The following CCSER1 variants were observed in gnomAD, a reference collection of about 807,000 sequenced individuals.
The protein encoded by CCSER1 is serine-rich coiled-coil domain-containing protein 1.
In CCSER1, 41 loss-of-function variants were observed where a neutral mutation model predicts 82.0. The observed-to-expected ratio is 0.50, with a 90% CI of 0.39 to 0.65. The LOEUF is 0.65. CCSER1 is among the 30% of genes least tolerant of loss of function. The pLI is 0.00. For synonymous variants in CCSER1, 414 were observed against 383.9 expected (o/e 1.08, Z -0.92); for missense variants, 1,119 against 1,064.2 (o/e 1.05, Z -0.72).
chr4:90,793,674 AATAT>A (rs1478716576), intron 7 of CCSER1, among the ~76,000 whole-genome samples: 27 of 152,218 alleles, frequency 1.8e-4, no homozygotes, highest in African/African-American at 6.0e-4. Flanking sequence ...TATTTGTTTG[AATAT>A]ATACCCAGGA....
At chr4:90,345,198 TGTAGGAATGTA>T (rs1742109642) in intron 3 of CCSER1, among the ~76,000 whole-genome samples, 1 of 152,064 alleles carries the variant, frequency 6.6e-6, no homozygotes, top group Non-Finnish European at 1.5e-5. Flanking sequence ...CAGAAATATG[TGTAGGAATGTA>T]GTAGGAGAAC....
intron 9 of CCSER1, among the ~76,000 whole-genome samples, chr4:90,979,233 T>C (rs1028135181): frequency 1.3e-5 from 2 of 151,638 alleles, no homozygotes; most frequent in Middle Eastern, 3.4e-3. Flanking sequence ...GCCAATTAGA[T>C]ACTAATACAG....
rs1188536764 is a variant in CCSER1, at chr4:91,013,604, CT to C, written c.2173-72330del. 6.8e-4 allele frequency among the ~76,000 whole-genome samples: 73 copies of C among 107,612 alleles called. 5 individuals carry two copies. The highest frequency in any genetic ancestry group is 9.9e-4 in the Non-Finnish European group (46 of 46,626). The allele number at this position is 107,612 out of a possible 152,430, so 70.6% of individuals were successfully genotyped here. A position where few individuals can be genotyped will look rare whatever the true frequency, so the allele number is the denominator to read the frequency against. ...GGTTCCTGATGAGTTTTAAGATTTTCTTTTTTTTTTTTTTTTGAGATGGAGT... is the reference window on the plus strand; with the variant it reads ...GGTTCCTGATGAGTTTTAAGATTTTCTTTTTTTTTTTTTTTGAGATGGAGT... On this transcript the variant is annotated intron_variant, in intron 9 of 10. Coordinates refer to ENST00000509176, the MANE Select transcript of CCSER1 (RefSeq NM_001145065.2).
intron 10 of CCSER1, among the ~76,000 whole-genome samples, chr4:91,352,444 C>T (rs1748542340): frequency 6.6e-6 from 1 of 152,098 alleles, no homozygotes; most frequent in Non-Finnish European, 1.5e-5. Context: ...GACAGCGTTT[C>T]ACTGTGTTAG....
At chr4:90,721,682 A>T (rs1742708188) in intron 6 of CCSER1, among the ~76,000 whole-genome samples, 1 of 151,776 alleles carries the variant, frequency 6.6e-6, no homozygotes, top group South Asian at 2.1e-4. Context: ...AATATGAAAT[A>T]TGGATAAGAC....
chr4:90,783,067 G>T (rs912880424), intron 7 of CCSER1, among the ~76,000 whole-genome samples: 1 of 151,950 alleles, frequency 6.6e-6, no homozygotes, highest in African/African-American at 2.4e-5. Context: ...TCAGCCTCCC[G>T]AATAGCTAGG....
At chr4:91,342,787 T>G (rs1003480417) in intron 10 of CCSER1, among the ~76,000 whole-genome samples, 3 of 152,148 alleles carry the variant, frequency 2.0e-5, no homozygotes, top group African/African-American at 7.2e-5. Context: ...GGCATAGGAA[T>G]GTATACATTC....
intron 10 of CCSER1, among the ~76,000 whole-genome samples, chr4:91,448,623 G>A (rs910235001): frequency 6.6e-6 from 1 of 151,734 alleles, no homozygotes; most frequent in African/African-American, 2.4e-5. Flanking sequence ...GAATAATTTG[G>A]CGTTTTACCA....
chr4:90,911,278 G>A, intron 8 of CCSER1: 1 of 456,138 alleles, frequency 2.2e-6, no homozygotes, highest in Non-Finnish European at 4.4e-6. Context: ...TGTGTTCCAT[G>A]AGAGGAGGTT....
intron 7 of CCSER1, among the ~76,000 whole-genome samples, chr4:90,810,638 T>A (rs982882231): frequency 7.1e-6 from 1 of 141,522 alleles, no homozygotes; most frequent in Non-Finnish European, 1.5e-5. Context: ...AGAGCGAGAC[T>A]CCCTCTCAAC....
At chr4:91,181,241 T>C (rs116336124) in intron 10 of CCSER1, among the ~76,000 whole-genome samples, 2,347 of 152,348 alleles carry the variant, frequency 0.015, 57 homozygotes, top group African/African-American at 0.052. Flanking sequence ...AAGGCAACTT[T>C]GTCACAGTGA....
At chr4:91,037,485 T>C (rs1741548181) in intron 9 of CCSER1, among the ~76,000 whole-genome samples, 1 of 152,212 alleles carries the variant, frequency 6.6e-6, no homozygotes, top group African/African-American at 2.4e-5. Context: ...ATCTATTTTC[T>C]GATAGATTGT....
intron 7 of CCSER1, among the ~76,000 whole-genome samples, chr4:90,748,070 T>A: frequency 7.0e-6 from 1 of 143,624 alleles, no homozygotes; most frequent in Non-Finnish European, 1.5e-5. Flanking sequence ...AGTTTTAGGG[T>A]ACATGTGCAC....
chr4:91,003,357 A>G (rs777311938), intron 9 of CCSER1, among the ~76,000 whole-genome samples: 18 of 152,118 alleles, frequency 1.2e-4, no homozygotes, highest in Non-Finnish European at 2.2e-4. Context: ...GGGCAGGGCT[A>G]GGCATGTCTG....
intron 1 of CCSER1, among the ~76,000 whole-genome samples, chr4:90,247,885 A>T (rs550259804): frequency 2.6e-5 from 4 of 151,940 alleles, no homozygotes; most frequent in South Asian, 4.1e-4. Context: ...TTTTGATCTG[A>T]TCTTTAGAAT....
intron 10 of CCSER1, among the ~76,000 whole-genome samples, chr4:91,115,859 AT>A (rs371115368): frequency 2.9e-4 from 30 of 102,240 alleles, no homozygotes; most frequent in African/African-American, 1.3e-3. Flanking sequence ...ATATATATAT[AT>A]TTTTTTTTAT....
At chr4:91,553,594 C>CCTTA (rs1762264481) in intron 10 of CCSER1, among the ~76,000 whole-genome samples, 1 of 150,886 alleles carries the variant, frequency 6.6e-6, no homozygotes, top group African/African-American at 2.4e-5. Flanking sequence ...TCTTCAGTCT[C>CCTTA]CTTACTTATT....
At chr4:91,008,266 T>C (rs773172292) in intron 9 of CCSER1, among the ~76,000 whole-genome samples, 3 of 152,298 alleles carry the variant, frequency 2.0e-5, no homozygotes, top group Non-Finnish European at 4.4e-5. Flanking sequence ...TTATTTCCAG[T>C]ATTTTAAAAT....
chr4:91,138,541 C>G (rs1371505148), intron 10 of CCSER1, among the ~76,000 whole-genome samples: 4 of 45,468 alleles, frequency 8.8e-5, no homozygotes, highest in African/African-American at 3.1e-4. Context: ...GACTTCATGT[C>G]CAAAACACCA....
Sources: gnomAD v4.1 joint callset for allele counts (sites outside exome capture counted in the v4.1 genomes callset) on GRCh38, gnomAD v4.1.1 for gene constraint, MANE v1.5 for transcripts, NCBI Gene and HGNC (gene_info 2026-07-23, HGNC 2026-07-21) for gene names.